ATP2B1: variants seen among roughly 807,000 people sequenced by gnomAD.
The protein encoded by ATP2B1 is ATPase plasma membrane Ca2+ transporting 1.
A neutral mutation model predicts 124.2 loss-of-function variants in ATP2B1; 14 were observed. The ratio of observed to expected loss-of-function variants is 0.11; its 90% CI spans 0.07 to 0.18. The LOEUF (loss-of-function observed/expected upper bound fraction) is 0.18. Ranked by LOEUF, ATP2B1 falls within the 10% of genes least tolerant of loss-of-function variation. The pLI is 1.00. For missense variants in ATP2B1, 763 were observed against 1,466.1 expected, an observed-to-expected ratio of 0.52 and a Z score of 7.83; for synonymous variants, 449 against 492.4, an observed-to-expected ratio of 0.91 and a Z score of 1.17.
chr12:89,642,745 T>C (rs1013501575), intron 2 of ATP2B1, among the ~76,000 whole-genome samples: 2 of 151,996 alleles, frequency 1.3e-5, no homozygotes, highest in Admixed American at 6.6e-5. Context: ...GCTGGGACTA[T>C]AGGTGCATGC....
At chr12:89,624,099 A>C in intron 9 of ATP2B1, 84 bp downstream of exon 9, 1 of 1,207,456 alleles carries the variant, frequency 8.3e-7, no homozygotes, top group Non-Finnish European at 1.2e-6. Context: ...TTTCAGAAGC[A>C]GAAAAGGAGT....
intron 12 of ATP2B1, among the ~76,000 whole-genome samples, chr12:89,613,169 T>C (rs943437887): frequency 3.3e-5 from 5 of 152,022 alleles, no homozygotes; most frequent in Admixed American, 3.3e-4. Flanking sequence ...TTGGTAGAGA[T>C]GGGGTTTCAC....
chr12:89,707,757 C>A (rs1453712122), intron 1 of ATP2B1, among the ~76,000 whole-genome samples: 1 of 152,134 alleles, frequency 6.6e-6, no homozygotes, highest in African/African-American at 2.4e-5. Context: ...GAAATGCGCA[C>A]AGAGACCAAC....
intron 1 of ATP2B1, among the ~76,000 whole-genome samples, chr12:89,677,954 TTATA>T (rs61256358): frequency 0.091 from 6,211 of 68,320 alleles, 458 homozygotes; most frequent in African/African-American, 0.18. Flanking sequence ...CATGCAGGAA[TTATA>T]TATATATATA....
intron 1 of ATP2B1, among the ~76,000 whole-genome samples, chr12:89,700,509 T>C (rs1426764186): frequency 1.3e-5 from 2 of 152,128 alleles, no homozygotes; most frequent in African/African-American, 2.4e-5. Flanking sequence ...GACAGAAGTA[T>C]AGCAAAGAAA....
At chr12:89,635,733 G>A (rs960647870) in intron 3 of ATP2B1, among the ~76,000 whole-genome samples, 1 of 152,158 alleles carries the variant, frequency 6.6e-6, no homozygotes, top group South Asian at 2.1e-4. Flanking sequence ...TTAGTATTAC[G>A]TGAAACCCAT....
chr12:89,704,807 A>C (rs1373511619), intron 1 of ATP2B1, among the ~76,000 whole-genome samples: 10 of 152,176 alleles, frequency 6.6e-5, no homozygotes. Flanking sequence ...TGTAAAATAC[A>C]CAAACTACCA....
intron 2 of ATP2B1, among the ~76,000 whole-genome samples, chr12:89,646,108 G>C (rs1251126437): frequency 1.3e-5 from 2 of 151,784 alleles, no homozygotes; most frequent in African/African-American, 4.8e-5. Context: ...TTTGCGAGGG[G>C]GAGGGGTCTT....
At chr12:89,684,197 A>G (rs564136351) in intron 1 of ATP2B1, among the ~76,000 whole-genome samples, 1 of 152,372 alleles carries the variant, frequency 6.6e-6, no homozygotes, top group African/African-American at 2.4e-5. Context: ...GTTACTTACA[A>G]AAAGAGCAGG....
At chr12:89,652,011 T>G (rs781089988) in intron 2 of ATP2B1, among the ~76,000 whole-genome samples, 1 of 152,228 alleles carries the variant, frequency 6.6e-6, no homozygotes, top group Non-Finnish European at 1.5e-5. Context: ...GGGTTGCTCC[T>G]CCATACTTGA....
intron 20 of ATP2B1, among the ~76,000 whole-genome samples, chr12:89,592,852 AAAATGC>A (rs1873853151): frequency 6.6e-6 from 1 of 152,058 alleles, no homozygotes; most frequent in Non-Finnish European, 1.5e-5. Context: ...GGATCTTGTT[AAAATGC>A]AGATTCTGAT....
At chr12:89,690,631 T>TA (rs1890457853) in intron 1 of ATP2B1, among the ~76,000 whole-genome samples, 1 of 152,062 alleles carries the variant, frequency 6.6e-6, no homozygotes, top group South Asian at 2.1e-4. Context: ...ACTTACCACT[T>TA]ACTAATTTTG....
At chr12:89,611,445 C>A (rs180830798) in intron 12 of ATP2B1, 73 bp from the exon 13 acceptor site, 1 of 1,246,860 alleles carries the variant, frequency 8.0e-7, no homozygotes, top group Non-Finnish European at 1.1e-6. Context: ...TCACTGCACA[C>A]GACTGCATTA....
chr12:89,690,571 T>G (rs999130603), intron 1 of ATP2B1, among the ~76,000 whole-genome samples: 1 of 151,928 alleles, frequency 6.6e-6, no homozygotes, highest in African/African-American at 2.4e-5. Context: ...TAAACAGTTT[T>G]GCTTTTTTTA....
intron 1 of ATP2B1, among the ~76,000 whole-genome samples, chr12:89,666,257 G>A (rs1887307181): frequency 6.6e-6 from 1 of 152,166 alleles, no homozygotes; most frequent in African/African-American, 2.4e-5. Context: ...GGGATGTGTT[G>A]AACTGTAGCC....
At chr12:89,620,320 A>C (rs1879752744) in intron 10 of ATP2B1, 80 bp from the exon 11 acceptor site, 1 of 1,468,584 alleles carries the variant, frequency 6.8e-7, no homozygotes, top group South Asian at 1.3e-5. Flanking sequence ...AGACTGCGAT[A>C]TTCTAAAATA....
At chr12:89,643,279 G>T (rs57464356) in intron 2 of ATP2B1, among the ~76,000 whole-genome samples, 53 of 150,958 alleles carry the variant, frequency 3.5e-4, no homozygotes, top group African/African-American at 1.3e-3. Flanking sequence ...TATATATTTG[G>T]TTCAGTTATA....
chr12:89,691,395 G>A (rs372265033), intron 1 of ATP2B1, among the ~76,000 whole-genome samples: 7 of 152,068 alleles, frequency 4.6e-5, no homozygotes, highest in Non-Finnish European at 1.0e-4. Flanking sequence ...TTATTAGTAT[G>A]ATACTCAAAC....
At position 89,590,990 on chromosome 12, in the gene ATP2B1, T is replaced by C. The variant is rs750559957; in HGVS notation, c.3657A>G (p.Ser1219=). Residue 1219 remains serine, a synonymous_variant, in exon 21 of 21, where the codon TCA becomes TCG. Transcript: ENST00000428670. The stretch of plus-strand genomic sequence containing the variant: ...GTTAACATTCAGCTTACAATCAGAG[T>C]GATGTTTCCAAACTATGTAGTGGGC... ...PGSPLHSLET[S]L 3 of 1,611,016 alleles carry C rather than the reference T, an allele frequency of 1.9e-6. No homozygotes were observed. The highest frequency in any genetic ancestry group is 2.2e-5 in the East Asian group (1 of 44,840).
Sources: gnomAD v4.1 joint callset for allele counts (sites outside exome capture counted in the v4.1 genomes callset) on GRCh38, gnomAD v4.1.1 for gene constraint, MANE v1.5 for transcripts, NCBI Gene and HGNC (gene_info 2026-07-23, HGNC 2026-07-21) for gene names.